Variants in MTUS2 observed in about 807,000 individuals in gnomAD.
The protein encoded by MTUS2 is microtubule-associated tumor suppressor candidate 2.
In MTUS2, 40 loss-of-function variants were observed where a neutral mutation model predicts 114.1. The ratio of observed to expected loss-of-function variants is 0.35; its 90% CI spans 0.27 to 0.46. MTUS2 has a LOEUF of 0.46. Among genes scored for constraint, MTUS2 ranks in the 20% least tolerant of loss-of-function variants. The pLI, the probability that MTUS2 is intolerant of heterozygous loss-of-function variation, is 1.00. For synonymous variants in MTUS2, 688 were observed against 672.0 expected, an observed-to-expected ratio of 1.02 and a Z score of -0.37; for missense variants, 1,679 against 1,705.4, an observed-to-expected ratio of 0.98 and a Z score of 0.27.
chr13:28,954,028 C>G (rs968529886), intron 2 of MTUS2, among the ~76,000 whole-genome samples: 1 of 152,054 alleles, frequency 6.6e-6, no homozygotes, highest in Admixed American at 6.5e-5. Context: ...AGAAATAGAT[C>G]TCAGTATAAG....
intron 2 of MTUS2, among the ~76,000 whole-genome samples, chr13:28,914,825 A>G (rs1201284871): frequency 6.6e-6 from 1 of 151,622 alleles, no homozygotes; most frequent in East Asian, 1.9e-4. Flanking sequence ...TGAATCCTTT[A>G]CCATTATGTA....
intron 5 of MTUS2, among the ~76,000 whole-genome samples, chr13:29,180,154 C>T (rs1290538285): frequency 1.3e-5 from 2 of 152,186 alleles, no homozygotes; most frequent in Non-Finnish European, 2.9e-5. Flanking sequence ...ATAATTTATG[C>T]ATCTTTAATG....
intron 2 of MTUS2, among the ~76,000 whole-genome samples, chr13:28,929,772 T>TG (rs1359320393): frequency 1.3e-5 from 2 of 152,248 alleles, no homozygotes; most frequent in Non-Finnish European, 2.9e-5. Context: ...GCTGCCTGCT[T>TG]GGTCTACCTT....
chr13:28,921,786 T>C (rs527844361), intron 2 of MTUS2, among the ~76,000 whole-genome samples: 1 of 152,256 alleles, frequency 6.6e-6, no homozygotes, highest in South Asian at 2.1e-4. Context: ...GAGCCCAGCA[T>C]GTCTTTGCTC....
In MTUS2 at chr13:28,985,461, A is replaced by G. The variant is rs139536819; in HGVS notation, c.-242-38996A>G. Among the ~76,000 whole-genome samples the G allele has an allele frequency of 4.5e-4, 69 of 152,308 alleles. 1 individual carries two copies. Among genetic ancestry groups the G allele is most frequent in the Middle Eastern group, 3.4e-3 (1 of 294 alleles). ...ATTGTTATAATAACTGGGGATGTTA[A>G]TAAGTAGCATTGTCTGTTGTCATTC... On this transcript the variant is annotated intron_variant, in intron 2 of 15. Coordinates refer to ENST00000612955, the MANE Select transcript of MTUS2 (RefSeq NM_001033602.4).
chr13:29,189,081 C>T (rs955482066), intron 5 of MTUS2, among the ~76,000 whole-genome samples: 1 of 152,208 alleles, frequency 6.6e-6, no homozygotes, highest in Non-Finnish European at 1.5e-5. Context: ...CTGTGTCCAG[C>T]AGGGCAGAGC....
chr13:29,501,588 G>T (rs1377046114), intron 15 of MTUS2, among the ~76,000 whole-genome samples: 1 of 152,154 alleles, frequency 6.6e-6, no homozygotes, highest in Non-Finnish European at 1.5e-5. Flanking sequence ...CTGTCCCTGT[G>T]GGGCCACGCT....
chr13:28,878,451 G>A (rs1428708918), intron 2 of MTUS2, among the ~76,000 whole-genome samples: 1 of 152,064 alleles, frequency 6.6e-6, no homozygotes, highest in Non-Finnish European at 1.5e-5. Flanking sequence ...ATTAAGTCTT[G>A]CATGCATTAA....
chr13:29,401,526 T>C (rs1874343470), intron 8 of MTUS2, among the ~76,000 whole-genome samples: 1 of 152,222 alleles, frequency 6.6e-6, no homozygotes, highest in Admixed American at 6.5e-5. Flanking sequence ...ATGAAATGTA[T>C]TTTGGTGCAT....
intron 4 of MTUS2, among the ~76,000 whole-genome samples, chr13:29,049,423 G>A (rs543076280): frequency 6.6e-6 from 1 of 152,180 alleles, no homozygotes; most frequent in Non-Finnish European, 1.5e-5. Context: ...CTGTGGAGCT[G>A]TCAGTCATAT....
chr13:29,301,957 A>AT (rs1899222836), intron 6 of MTUS2, among the ~76,000 whole-genome samples: 2 of 152,094 alleles, frequency 1.3e-5, no homozygotes, highest in African/African-American at 2.4e-5. Context: ...TTGGGGGCCT[A>AT]TTTTATAAAA....
chr13:29,442,199 G>A (rs1007225433), intron 9 of MTUS2, among the ~76,000 whole-genome samples: 2 of 152,172 alleles, frequency 1.3e-5, no homozygotes, highest in Non-Finnish European at 2.9e-5. Context: ...GCCTAGGGTA[G>A]AGGTTCCAAA....
intron 2 of MTUS2, among the ~76,000 whole-genome samples, chr13:28,908,013 A>G (rs764388053): frequency 9.3e-5 from 14 of 151,128 alleles, no homozygotes; most frequent in Non-Finnish European, 1.5e-4. Flanking sequence ...TAGTTTTGAG[A>G]TGTTTAATCG....
intron 6 of MTUS2, among the ~76,000 whole-genome samples, chr13:29,285,927 T>A (rs1566110332): frequency 6.6e-6 from 1 of 152,128 alleles, no homozygotes; most frequent in Admixed American, 6.5e-5. Flanking sequence ...ATTAAGGAAT[T>A]ATTGTTAATT....
intron 2 of MTUS2, among the ~76,000 whole-genome samples, chr13:28,875,064 A>G (rs1366049159): frequency 6.6e-6 from 1 of 152,252 alleles, no homozygotes; most frequent in East Asian, 1.9e-4. Context: ...CAGCTAGCAC[A>G]GTACTTGGTA....
intron 8 of MTUS2, among the ~76,000 whole-genome samples, chr13:29,370,826 G>A (rs1278887880): frequency 6.6e-6 from 1 of 152,160 alleles, no homozygotes; most frequent in African/African-American, 2.4e-5. Context: ...TAGAAGTAAA[G>A]GGATGGAGAA....
intron 5 of MTUS2, among the ~76,000 whole-genome samples, chr13:29,224,470 G>T (rs1896030028): frequency 6.6e-6 from 1 of 151,546 alleles, no homozygotes; most frequent in Non-Finnish European, 1.5e-5. Context: ...CATCTGGACT[G>T]TTTTTATTTA....
At chr13:29,462,805 C>T (rs781547781) in intron 9 of MTUS2, among the ~76,000 whole-genome samples, 18 of 152,036 alleles carry the variant, frequency 1.2e-4, no homozygotes, top group Non-Finnish European at 2.1e-4. Context: ...TGTATGGAGA[C>T]CGAGTGAAAC....
At chr13:29,434,235 C>G in intron 8 of MTUS2, among the ~76,000 whole-genome samples, 1 of 152,096 alleles carries the variant, frequency 6.6e-6, no homozygotes, top group East Asian at 1.9e-4. Context: ...AGAATTCCTG[C>G]AGGGAATTTC....
Sources: allele counts gnomAD v4.1 joint callset (sites outside exome capture counted in the v4.1 genomes callset), GRCh38; gene constraint gnomAD v4.1.1; transcripts MANE v1.5; gene names NCBI Gene and HGNC (gene_info 2026-07-23, HGNC 2026-07-21).